TSPAN15: variants seen among roughly 807,000 people sequenced by gnomAD.
TSPAN15 encodes the protein tetraspanin 15, also known as tetraspanin-15.
A neutral mutation model predicts 34.5 loss-of-function variants in TSPAN15; 20 were observed. The observed-to-expected ratio is 0.58, with a 90% CI of 0.41 to 0.84. The LOEUF (loss-of-function observed/expected upper bound fraction) is 0.84, where lower values mean the gene tolerates loss of function less well. Among genes scored for constraint, TSPAN15 ranks in the 40% least tolerant of loss-of-function variants. TSPAN15 has a pLI of 0.00. For missense variants in TSPAN15, 313 were observed against 386.1 expected, an observed-to-expected ratio of 0.81 and a Z score of 1.59; for synonymous variants, 155 against 153.9, an observed-to-expected ratio of 1.01 and a Z score of -0.05.
At chr10:69,504,535 A>T (rs765640860) in intron 6 of TSPAN15, 50 bp downstream of exon 6, 4 of 1,593,810 alleles carry the variant, frequency 2.5e-6, no homozygotes, top group Non-Finnish European at 3.4e-6. Context: ...TTCCTGGTCC[A>T]CCCTGGGGTG....
At chr10:69,543,227 T>C in the TSPAN15 span, among the ~76,000 whole-genome samples, 1 of 152,060 alleles carries the variant, frequency 6.6e-6, no homozygotes, top group African/African-American at 2.4e-5. Flanking sequence ...TCTGATTTGG[T>C]CTCCACCACA....
At chr10:69,515,931 C>G in the TSPAN15 span, among the ~76,000 whole-genome samples, 3 of 152,334 alleles carry the variant, frequency 2.0e-5, no homozygotes, top group East Asian at 5.8e-4. Flanking sequence ...CCGCCCCCTA[C>G]CCCAAAAGAG....
intron 5 of TSPAN15, among the ~76,000 whole-genome samples, chr10:69,499,189 GC>G (rs1207759570): frequency 6.6e-6 from 1 of 152,220 alleles, no homozygotes; most frequent in Non-Finnish European, 1.5e-5. Flanking sequence ...GAGGTGGAGA[GC>G]TTTGCAATTA....
intron 5 of TSPAN15, 69 bp from the exon 6 acceptor site, chr10:69,504,369 G>C: frequency 1.4e-6 from 2 of 1,469,300 alleles, no homozygotes; most frequent in Non-Finnish European, 1.9e-6. Context: ...CTGTAAAATG[G>C]GTAGGATAAT....
At chr10:69,540,124 C>T in the TSPAN15 span, among the ~76,000 whole-genome samples, 41 of 152,168 alleles carry the variant, frequency 2.7e-4, no homozygotes, top group East Asian at 7.7e-3. Flanking sequence ...CTCCTGATCT[C>T]AAGTGATCCA....
chr10:69,468,413 G>A (rs1335678733), intron 1 of TSPAN15, among the ~76,000 whole-genome samples: 4 of 152,126 alleles, frequency 2.6e-5, no homozygotes, highest in Non-Finnish European at 4.4e-5. Context: ...CTGGGGTAGG[G>A]CCGAGAGAGC....
At chr10:69,498,450 A>G in intron 5 of TSPAN15, 54 bp downstream of exon 5, 2 of 1,442,450 alleles carry the variant, frequency 1.4e-6, no homozygotes, top group South Asian at 1.2e-5. Flanking sequence ...CAGGTGGTAT[A>G]AATGTTCTCT....
At chr10:69,495,740 C>A in intron 4 of TSPAN15, 51 bp downstream of exon 4, 1 of 1,267,696 alleles carries the variant, frequency 7.9e-7, no homozygotes, top group Non-Finnish European at 1.2e-6. Flanking sequence ...TCTTAGCCCC[C>A]CATTCAGGCC....
chr10:69,458,109 A>G (rs1007365686), intron 1 of TSPAN15, among the ~76,000 whole-genome samples: 1 of 152,110 alleles, frequency 6.6e-6, no homozygotes, highest in Non-Finnish European at 1.5e-5. Context: ...GGCCCCCATG[A>G]CCTTTCCAGG....
chr10:69,495,019 G>A, intron 3 of TSPAN15: 1 of 333,798 alleles, frequency 3.0e-6, no homozygotes, highest in Non-Finnish European at 4.3e-6. Context: ...GTGATGAGGA[G>A]AACAGCCCAT....
chr10:69,525,483 T>TAAA, the TSPAN15 span, among the ~76,000 whole-genome samples: 1 of 118,128 alleles, frequency 8.5e-6, no homozygotes, highest in African/African-American at 3.1e-5. Context: ...CCTCATCTCT[T>TAAA]AAAAAAAAAA....
chr10:69,489,027 TGCAGGAGACCAGGGTGTA>T (rs1406128115), intron 3 of TSPAN15, among the ~76,000 whole-genome samples: 1 of 152,204 alleles, frequency 6.6e-6, no homozygotes, highest in African/African-American at 2.4e-5. Context: ...CTGAGGGTAC[TGCAGGAGACCAGGGTGTA>T]TTTCAGTCCT....
At chr10:69,514,817 T>G in the TSPAN15 span, among the ~76,000 whole-genome samples, 1 of 152,264 alleles carries the variant, frequency 6.6e-6, no homozygotes, top group African/African-American at 2.4e-5. Context: ...TCTCTTAGTA[T>G]TCCCATCTTA....
chr10:69,454,463 A>G (rs1178976496), intron 1 of TSPAN15, among the ~76,000 whole-genome samples: 1 of 152,090 alleles, frequency 6.6e-6, no homozygotes, highest in Non-Finnish European at 1.5e-5. Flanking sequence ...GGTTGCAGTG[A>G]GCTGACATCG....
chr10:69,487,113 G>A lies in TSPAN15; in HGVS notation c.357+1898G>A, dbSNP rs1041364863. Among the ~76,000 whole-genome samples, 3 of 152,130 alleles carry A rather than the reference G, an allele frequency of 2.0e-5. No homozygotes were observed. The South Asian group carries it at 6.2e-4, about 32-fold the overall frequency. On this transcript the variant is annotated intron_variant, in intron 3 of 7. Coordinates refer to ENST00000373290, the MANE Select transcript of TSPAN15 (RefSeq NM_012339.5). ...ACGGGTTAGTGCTTTCCTGGCTGGAGCCCAGGTCCAGTTTGTGGCCAACTA... is the reference window on the plus strand; with the variant it reads ...ACGGGTTAGTGCTTTCCTGGCTGGAACCCAGGTCCAGTTTGTGGCCAACTA...
At chr10:69,469,018 G>A (rs574508872) in intron 1 of TSPAN15, among the ~76,000 whole-genome samples, 4 of 137,980 alleles carry the variant, frequency 2.9e-5, no homozygotes, top group Non-Finnish European at 4.6e-5. Context: ...AGGATGGGGC[G>A]AATCACCAGA....
chr10:69,516,900 C>T, the TSPAN15 span, among the ~76,000 whole-genome samples: 1 of 152,142 alleles, frequency 6.6e-6, no homozygotes, highest in African/African-American at 2.4e-5. Flanking sequence ...GGTGCCAACC[C>T]AGGGAATGGA....
the TSPAN15 span, among the ~76,000 whole-genome samples, chr10:69,547,941 G>T: frequency 3.3e-5 from 5 of 152,212 alleles, no homozygotes; most frequent in African/African-American, 1.2e-4. Context: ...AAAATCTTAA[G>T]AAATGGTTGT....
chr10:69,507,318 G>A lies in TSPAN15; in HGVS notation c.*340G>A. 1 of 1,239,966 alleles carries A rather than the reference G, an allele frequency of 8.1e-7. No individual in the cohort carries two copies. Among genetic ancestry groups the A allele is most frequent in the Non-Finnish European group, 1.0e-6 (1 of 977,728 alleles). The allele number at this position is 1,239,966 out of a possible 1,614,324, so 76.8% of individuals were successfully genotyped here. On this transcript the variant is annotated 3_prime_UTR_variant, in exon 8 of 8. Transcript: ENST00000373290. ...CATCTCTGGCAGTGCCTTGGCGGTG[G>A]TATTCAAGGCAGTTTTGTAGCACCT...
Sources: allele counts gnomAD v4.1 joint callset (sites outside exome capture counted in the v4.1 genomes callset), GRCh38; gene constraint gnomAD v4.1.1; transcripts MANE v1.5; gene names NCBI Gene and HGNC (gene_info 2026-07-23, HGNC 2026-07-21).